Variants in OVCH1 observed in about 807,000 individuals in gnomAD.
OVCH1 encodes ovochymase-1.
Under a neutral mutation model 138.4 loss-of-function variants are expected in OVCH1, and 139 were observed. The ratio of observed to expected loss-of-function variants is 1.00; its 90% CI spans 0.87 to 1.16. The LOEUF (loss-of-function observed/expected upper bound fraction) is 1.16. Ranked by LOEUF, OVCH1 falls within the 50% of genes most tolerant of loss-of-function variation. OVCH1 has a pLI of 0.00. For missense variants in OVCH1, 1,367 were observed against 1,357.9 expected, an observed-to-expected ratio of 1.01 and a Z score of -0.11; for synonymous variants, 453 against 467.8, an observed-to-expected ratio of 0.97 and a Z score of 0.41.
At chr12:29,480,411 A>G (rs571131243) in intron 8 of OVCH1, among the ~76,000 whole-genome samples, 1 of 152,308 alleles carries the variant, frequency 6.6e-6, no homozygotes, top group South Asian at 2.1e-4. Context: ...ACTTTCTCAA[A>G]TTGTTCCATC....
intron 27 of OVCH1, among the ~76,000 whole-genome samples, chr12:29,428,133 G>C (rs1941209514): frequency 6.6e-6 from 1 of 151,774 alleles, no homozygotes; most frequent in Non-Finnish European, 1.5e-5. Context: ...GATAAGGTAA[G>C]ACAAAAAACG....
At chr12:29,433,165 C>T (rs1357025767) in intron 27 of OVCH1, among the ~76,000 whole-genome samples, 1 of 152,068 alleles carries the variant, frequency 6.6e-6, no homozygotes, top group Admixed American at 6.5e-5. Context: ...TTCTTTATAA[C>T]TGATATGGTT....
chr12:29,470,396 C>T (rs1942462605), intron 16 of OVCH1, among the ~76,000 whole-genome samples: 1 of 151,882 alleles, frequency 6.6e-6, no homozygotes, highest in Non-Finnish European at 1.5e-5. Context: ...CTCCCAACCC[C>T]TGTGTTTTTC....
intron 19 of OVCH1, among the ~76,000 whole-genome samples, chr12:29,457,593 C>T (rs947978340): frequency 6.6e-6 from 1 of 151,584 alleles, no homozygotes; most frequent in Admixed American, 6.6e-5. Context: ...TTAGTAGAGA[C>T]AGGGTTTCAC....
At chr12:29,429,851 A>T (rs769032366) in intron 27 of OVCH1, among the ~76,000 whole-genome samples, 1 of 152,226 alleles carries the variant, frequency 6.6e-6, no homozygotes, top group Admixed American at 6.5e-5. Context: ...GTAGGTCATT[A>T]AAACCTAAAC....
At chr12:29,487,428 G>A in intron 7 of OVCH1, 1 of 316,802 alleles carries the variant, frequency 3.2e-6, no homozygotes, top group Non-Finnish European at 5.7e-6. Context: ...ATCCCCTGAT[G>A]AGTCTATTCT....
At chr12:29,426,666 G>T (rs1229305056), downstream of OVCH1, among the ~76,000 whole-genome samples, 4 of 152,026 alleles carry the variant, frequency 2.6e-5, no homozygotes. Context: ...AGTCATTCTT[G>T]ATTTGCATAC....
intron 22 of OVCH1, among the ~76,000 whole-genome samples, chr12:29,449,317 A>ACT (rs1941711513): frequency 6.8e-6 from 1 of 147,198 alleles, no homozygotes; most frequent in Non-Finnish European, 1.5e-5. Context: ...ACACACACAC[A>ACT]CACTCAACCT....
chr12:29,423,490 A>G (rs1334979606), downstream of OVCH1, among the ~76,000 whole-genome samples: 1 of 152,212 alleles, frequency 6.6e-6, no homozygotes, highest in Non-Finnish European at 1.5e-5. Flanking sequence ...TATAGCTTTT[A>G]AAAGATCAAA....
the OVCH1 span, among the ~76,000 whole-genome samples, chr12:29,404,457 CA>C: frequency 1.3e-5 from 2 of 152,234 alleles, no homozygotes; most frequent in African/African-American, 4.8e-5. Context: ...TTTCTGCTCA[CA>C]ACCTAATAGA....
chr12:29,445,357 A>G, exon 23 of OVCH1: 3 of 1,611,292 alleles, frequency 1.9e-6, no homozygotes, highest in Non-Finnish European at 2.5e-6. Context: ...CCAGCGGTCC[A>G]GGACTCATGA....
At chr12:29,416,410 T>C (rs1251492769) in intron 3 of OVCH1, among the ~76,000 whole-genome samples, 1 of 152,160 alleles carries the variant, frequency 6.6e-6, no homozygotes, top group Admixed American at 6.5e-5. Context: ...AACCATGTAT[T>C]TGACAAAGGA....
intron 3 of OVCH1, among the ~76,000 whole-genome samples, chr12:29,413,816 A>AT (rs1940995229): frequency 6.6e-6 from 1 of 152,108 alleles, no homozygotes; most frequent in East Asian, 1.9e-4. Flanking sequence ...CTGTTCTTAA[A>AT]AAAATTGTAT....
intron 26 of OVCH1, chr12:29,439,264 T>A: frequency 1.5e-6 from 2 of 1,324,248 alleles, no homozygotes; most frequent in Non-Finnish European, 9.8e-7. Flanking sequence ...TTCTCTTATT[T>A]ATTGTTCTTT....
chr12:29,410,910 C>T (rs1940946109), downstream of OVCH1, among the ~76,000 whole-genome samples: 1 of 151,892 alleles, frequency 6.6e-6, no homozygotes, highest in South Asian at 2.1e-4. Flanking sequence ...GAGTGTTTTC[C>T]ATCTTGGTTC....
chr12:29,402,878 G>A, the OVCH1 span, among the ~76,000 whole-genome samples: 2 of 152,038 alleles, frequency 1.3e-5, no homozygotes, highest in African/African-American at 4.8e-5. Flanking sequence ...GAAAGAGAGT[G>A]AGAAAAGAGG....
chr12:29,405,034 A>C, the OVCH1 span, among the ~76,000 whole-genome samples: 30,320 of 144,124 alleles, frequency 0.21, 4,589 homozygotes, highest in Middle Eastern at 0.33. Flanking sequence ...AAAAAAAAAA[A>C]AAAAAAAAAA....
chr12:29,467,320 G>C (rs1942355672), intron 16 of OVCH1, among the ~76,000 whole-genome samples: 1 of 152,176 alleles, frequency 6.6e-6, no homozygotes, highest in Admixed American at 6.5e-5. Flanking sequence ...AGTTTCTCAT[G>C]ATGTTTTACA....
intron 17 of OVCH1, 115 bp from the exon 18 acceptor site, chr12:29,464,817 G>T (rs1942261590): frequency 2.2e-6 from 2 of 894,168 alleles, no homozygotes; most frequent in Non-Finnish European, 3.4e-6. Context: ...CATAAACAAT[G>T]CAGAAGACTT....
Sources: allele counts gnomAD v4.1 joint callset (sites outside exome capture counted in the v4.1 genomes callset), GRCh38; gene constraint gnomAD v4.1.1; transcripts MANE v1.5; gene names NCBI Gene and HGNC (gene_info 2026-07-23, HGNC 2026-07-21).